Variants in LRRK1 observed in about 807,000 individuals in gnomAD.
LRRK1 encodes leucine-rich repeat serine/threonine-protein kinase 1.
In LRRK1, 113 loss-of-function variants were observed where a neutral mutation model predicts 209.1. The ratio of observed to expected loss-of-function variants is 0.54; its 90% CI spans 0.46 to 0.63. The LOEUF (loss-of-function observed/expected upper bound fraction) is 0.63, where lower values mean the gene tolerates loss of function less well. Ranked by LOEUF, LRRK1 falls within the 30% of genes least tolerant of loss-of-function variation. The pLI is 0.00. For synonymous variants in LRRK1, 1,144 were observed against 1,099.7 expected (o/e 1.04, Z -0.80); for missense variants, 2,284 against 2,632.2 (o/e 0.87, Z 2.89).
chr15:101,048,647 G>T lies in LRRK1; in HGVS notation c.3289G>T (p.Gly1097Cys), dbSNP rs1266729329. Residue 1097 changes from glycine to cysteine, a missense_variant, in exon 22 of 34, where the codon GGC (glycine) becomes TGC (cysteine). Physicochemically the swap from Gly to Cys is radical, Grantham distance 159. Transcript: ENST00000388948. ...AGGGCTCCTGGTCACTTTTGATGGG[G>T]GCTACCTCAGGTAGGAACACCTGGA... ...QEGLLVTFDG[G>C]YLSVESSDVN... 1.3e-6 allele frequency: 2 copies of T among 1,519,250 alleles called. No homozygotes were observed. The allele number at this position is 1,519,250 out of a possible 1,614,324, so 94.1% of individuals were successfully genotyped here. A position where few individuals can be genotyped will look rare whatever the true frequency, so the allele number is the denominator to read the frequency against.
chr15:100,939,714 C>A (rs56174345), intron 2 of LRRK1, among the ~76,000 whole-genome samples: 21,520 of 152,200 alleles, frequency 0.14, 1,784 homozygotes, highest in South Asian at 0.25. Context: ...TGAAAGTGAT[C>A]TCTAAAGAAG....
In LRRK1 at chr15:101,068,890, G is replaced by A. The variant is rs376262723; in HGVS notation, c.*42G>A. ...GTCACACATCAGAGCTGGCTGGCCCGGGGCTGCAGCCTGACCCCTCTGCCA... is the reference window on the plus strand; with the variant it reads ...GTCACACATCAGAGCTGGCTGGCCCAGGGCTGCAGCCTGACCCCTCTGCCA... On this transcript the variant is annotated 3_prime_UTR_variant, in exon 34 of 34. Transcript: ENST00000388948. 2.9e-5 allele frequency: 45 copies of A among 1,532,674 alleles called. No individual in the cohort carries two copies. Among genetic ancestry groups the A allele is most frequent in the Non-Finnish European group, 3.3e-5 (38 of 1,135,368 alleles). The allele number at this position is 1,532,674 out of a possible 1,614,324, so 94.9% of individuals were successfully genotyped here.
At chr15:101,015,765 G>A (rs2033508358) in intron 12 of LRRK1, among the ~76,000 whole-genome samples, 1 of 152,186 alleles carries the variant, frequency 6.6e-6, no homozygotes, top group Admixed American at 6.5e-5. Context: ...TGCACGTGGG[G>A]AGACTGAGGC....
In LRRK1 at chr15:101,053,263, G is replaced by A; in HGVS notation, c.3897G>A (p.Lys1299=). Residue 1299 remains lysine, a synonymous_variant, in exon 26 of 34, where the codon AAG becomes AAA. Transcript: ENST00000388948. ...ACCTGCGGGCCACCGATGCCATGAA[G>A]AACTTCTCCGAGTTCCGGCAGGAGG... The part of the protein sequence containing the change: ...LRHLRATDAM[K]NFSEFRQEAS... 1 of 1,606,916 alleles carries A rather than the reference G, an allele frequency of 6.2e-7. No individual in the cohort carries two copies. The highest frequency in any genetic ancestry group is 8.5e-7 in the Non-Finnish European group (1 of 1,179,976).
intron 9 of LRRK1, among the ~76,000 whole-genome samples, 153 bp downstream of exon 9, chr15:101,010,990 G>A (rs961145219): frequency 6.6e-6 from 1 of 152,130 alleles, no homozygotes; most frequent in Admixed American, 6.5e-5. Context: ...TCGTCACTCA[G>A]CATACAGCGA....
intron 12 of LRRK1, among the ~76,000 whole-genome samples, chr15:101,018,175 A>AT (rs1222757522): frequency 7.3e-5 from 5 of 68,576 alleles, no homozygotes; most frequent in African/African-American, 2.5e-4. Flanking sequence ...TTACAAATTG[A>AT]TTTAAAAAAA....
Position 101,065,614 on chromosome 15 carries a change from G to T in LRRK1, c.5177G>T (p.Arg1726Leu), listed in dbSNP as rs779753081. 6.2e-7 allele frequency: 1 copy of T among 1,614,058 alleles called. No individual in the cohort carries two copies. The highest frequency in any genetic ancestry group is 1.3e-5 in the African/African-American group (1 of 74,932). Reference sequence around the variant, plus strand: ...TGTGCCTCCCTGGAGATCTGCAGGCGGCTGGAGCCCTACATGGCCCCCTCC... The same window carrying T: ...TGTGCCTCCCTGGAGATCTGCAGGCTGCTGGAGCCCTACATGGCCCCCTCC... ...IDCASLEICR[R>L]LEPYMAPSMV... The change falls in exon 32 of 34, where the codon CGG becomes CTG. Residue 1726 changes from arginine to leucine, a missense_variant. By Grantham distance (102) the Arg-to-Leu change is moderately radical. Coordinates refer to ENST00000388948, the MANE Select transcript of LRRK1 (RefSeq NM_024652.6).
At chr15:101,046,235 C>T in intron 21 of LRRK1, 83 bp downstream of exon 21, 1 of 1,407,408 alleles carries the variant, frequency 7.1e-7, no homozygotes, top group Non-Finnish European at 9.8e-7. Flanking sequence ...ATGCCCTTTG[C>T]TGGGGGGCCC....
Position 100,979,628 on chromosome 15 carries a change from A to G in LRRK1, c.262-3900A>G, listed in dbSNP as rs76729854. Among the ~76,000 whole-genome samples the G allele has an allele frequency of 7.8e-3, 1,189 of 152,342 alleles. 17 individuals carry two copies. Among genetic ancestry groups the G allele is most frequent in the African/African-American group, 0.027 (1,142 of 41,580 alleles). ...CTTTTCTCTGAGAAATACCTAAGAC[A>G]GTGATTCTAAAAAAAGCTACAGACT... On this transcript the variant is annotated intron_variant, in intron 3 of 33. Transcript: ENST00000388948.
At chr15:100,981,220 G>A (rs1351820130) in intron 3 of LRRK1, among the ~76,000 whole-genome samples, 1 of 152,180 alleles carries the variant, frequency 6.6e-6, no homozygotes, top group African/African-American at 2.4e-5. Context: ...TTGGCCTTGG[G>A]CTGGCTCCTA....
At chr15:100,985,411 AT>A (rs1292693344) in intron 4 of LRRK1, among the ~76,000 whole-genome samples, 2 of 152,150 alleles carry the variant, frequency 1.3e-5, no homozygotes, top group East Asian at 3.9e-4. Flanking sequence ...GAGACAGATA[AT>A]TTTTTTAAAG....
At chr15:101,020,672 G>A (rs180729353) in intron 12 of LRRK1, among the ~76,000 whole-genome samples, 138 of 152,158 alleles carry the variant, frequency 9.1e-4, no homozygotes, top group Admixed American at 1.6e-3. Flanking sequence ...CCAGCCTGGC[G>A]CACCTTGCCT....
At chr15:100,977,769 A>G (rs545696981) in intron 3 of LRRK1, among the ~76,000 whole-genome samples, 1 of 152,320 alleles carries the variant, frequency 6.6e-6, no homozygotes, top group Admixed American at 6.5e-5. Flanking sequence ...CACAAGATTG[A>G]AGTAAGATCC....
chr15:100,947,909 C>T (rs182601385), intron 2 of LRRK1, among the ~76,000 whole-genome samples: 9 of 152,328 alleles, frequency 5.9e-5, no homozygotes, highest in East Asian at 1.9e-4. Context: ...TGAGCTGCTC[C>T]ATGACCTTTG....
In LRRK1 at chr15:101,070,967, A is replaced by G. The variant is rs1430790806; in HGVS notation, c.*2119A>G. ...TCATTACAGAGAGTTCGTAATGTCA[A>G]TAAGAAACAGAAAACCGGAAAGGCA... On this transcript the variant is annotated 3_prime_UTR_variant, in exon 34 of 34. Coordinates refer to ENST00000388948, the MANE Select transcript of LRRK1 (RefSeq NM_024652.6). 6.6e-6 allele frequency: 1 copy of G among 152,286 alleles called. No individual in the cohort carries two copies. The highest frequency in any genetic ancestry group is 2.4e-5 in the African/African-American group (1 of 41,482). The allele number at this position is 152,286 out of a possible 1,614,324, so 9.4% of individuals were successfully genotyped here.
intron 23 of LRRK1, 90 bp from the exon 24 acceptor site, chr15:101,051,621 G>A (rs979182153): frequency 1.0e-5 from 15 of 1,502,298 alleles, no homozygotes; most frequent in Non-Finnish European, 1.3e-5. Flanking sequence ...CTGCTGCGAA[G>A]GCCTCAGGGC....
At chr15:100,930,532 C>T (rs2042193436) in intron 2 of LRRK1, among the ~76,000 whole-genome samples, 1 of 152,234 alleles carries the variant, frequency 6.6e-6, no homozygotes, top group African/African-American at 2.4e-5. Flanking sequence ...CTGGCCTCCC[C>T]CACCCCACAC....
chr15:100,932,265 C>T (rs988114173), intron 2 of LRRK1, among the ~76,000 whole-genome samples: 2 of 152,206 alleles, frequency 1.3e-5, no homozygotes, highest in Admixed American at 6.5e-5. Context: ...AGATTACAGG[C>T]GTGAGCCACA....
At chr15:100,929,794 G>C (rs897761821) in intron 2 of LRRK1, among the ~76,000 whole-genome samples, 2 of 152,236 alleles carry the variant, frequency 1.3e-5, no homozygotes, top group African/African-American at 4.8e-5. Flanking sequence ...GGCTGCAGGA[G>C]TTCACCAGCC....
Sources: allele counts gnomAD v4.1 joint callset (sites outside exome capture counted in the v4.1 genomes callset), GRCh38; gene constraint gnomAD v4.1.1; transcripts MANE v1.5; gene names NCBI Gene and HGNC (gene_info 2026-07-23, HGNC 2026-07-21).